Variants in SCNN1B observed in about 807,000 individuals in gnomAD.
SCNN1B encodes the protein sodium channel epithelial 1 subunit beta.
In SCNN1B, 46 loss-of-function variants were observed where a neutral mutation model predicts 65.3. The ratio of observed to expected loss-of-function variants is 0.70; its 90% CI spans 0.56 to 0.90. The LOEUF (loss-of-function observed/expected upper bound fraction) is 0.90. SCNN1B is among the 40% of genes least tolerant of loss of function. The probability of loss-of-function intolerance (pLI) is 0.00; values close to 1 mark genes in which losing one functional copy is unlikely to be tolerated. For missense variants in SCNN1B, 751 were observed against 830.5 expected, an observed-to-expected ratio of 0.90 and a Z score of 1.18; for synonymous variants, 349 against 330.6, an observed-to-expected ratio of 1.06 and a Z score of -0.60.
chr16:23,298,862 A>G (rs1961033760), upstream of SCNN1B, among the ~76,000 whole-genome samples: 1 of 152,026 alleles, frequency 6.6e-6, no homozygotes, highest in Admixed American at 6.6e-5. Flanking sequence ...CAAAACTCCA[A>G]CTCTCCAACA....
chr16:23,285,031 T>A (rs1276455106), intron 2 of SCNN1B, among the ~76,000 whole-genome samples: 5 of 152,136 alleles, frequency 3.3e-5, no homozygotes, highest in Non-Finnish European at 7.3e-5. Flanking sequence ...CATTTTTTAG[T>A]ATCAAAAAGA....
At chr16:23,360,213 TAAATAAATAAATAAAC>T (rs1596871833) in intron 4 of SCNN1B, among the ~76,000 whole-genome samples, 3 of 150,154 alleles carry the variant, frequency 2.0e-5, no homozygotes, top group Admixed American at 1.3e-4. Context: ...AATAAATAAA[TAAATAAATAAATAAAC>T]AAATAAATAA....
In SCNN1B at chr16:23,349,051, C is replaced by T. The variant is rs964147677; in HGVS notation, c.311+141C>T. The T allele has an allele frequency of 8.5e-6, 6 of 702,436 alleles. No individual in the cohort carries two copies. The African/African-American group carries it at 9.0e-5, about 11-fold the overall frequency. 43.5% of individuals were successfully genotyped at this position (702,436 alleles called of 1,614,324 possible). On this transcript the variant is annotated intron_variant, in intron 2 of 12. Coordinates refer to ENST00000343070, the MANE Select transcript of SCNN1B (RefSeq NM_000336.3). ...TCTTTATTTCTCCCCTTTCTTCCTT[C>T]CTTTCTCCCTTTATTACTTTTCCTT...
intron 1 of SCNN1B, among the ~76,000 whole-genome samples, chr16:23,341,657 A>G (rs1962057009): frequency 6.6e-6 from 1 of 152,224 alleles, no homozygotes; most frequent in African/African-American, 2.4e-5. Context: ...ATCTGAATAG[A>G]CATTTCTCCA....
chr16:23,306,566 T>G (rs1354321193), intron 1 of SCNN1B, among the ~76,000 whole-genome samples: 1 of 152,182 alleles, frequency 6.6e-6, no homozygotes, highest in Non-Finnish European at 1.5e-5. Flanking sequence ...AAGTAACTCT[T>G]TGAGCCCCTT....
At chr16:23,323,132 AG>A (rs907014900) in intron 1 of SCNN1B, among the ~76,000 whole-genome samples, 2 of 151,936 alleles carry the variant, frequency 1.3e-5, no homozygotes, top group African/African-American at 4.8e-5. Context: ...TGGGAGGCAG[AG>A]GTTGCAGTGA....
intron 2 of SCNN1B, among the ~76,000 whole-genome samples, chr16:23,290,697 A>T (rs1050263033): frequency 2.0e-5 from 3 of 150,178 alleles, no homozygotes; most frequent in Non-Finnish European, 4.4e-5. Context: ...AATTTTAATT[A>T]AAAAAAATTA....
intron 2 of SCNN1B, among the ~76,000 whole-genome samples, chr16:23,292,196 A>T (rs12922010): frequency 3.3e-4 from 44 of 133,256 alleles, no homozygotes; most frequent in African/African-American, 6.4e-4. Context: ...TTCTTTCTTT[A>T]TTTTTTTTTT....
At chr16:23,309,438 A>AGATAGATG (rs1377666455) in intron 1 of SCNN1B, among the ~76,000 whole-genome samples, 4 of 146,190 alleles carry the variant, frequency 2.7e-5, no homozygotes, top group Admixed American at 2.7e-4. Flanking sequence ...ATAGATAGAT[A>AGATAGATG]GACAGATAGA....
At chr16:23,377,100 C>T (rs1029012067) in intron 8 of SCNN1B, 65 bp from the exon 9 acceptor site, 333 of 1,426,588 alleles carry the variant, frequency 2.3e-4, no homozygotes, top group Middle Eastern at 1.3e-3. Flanking sequence ...AGAGGCTCAG[C>T]AGGGAACAGG....
At chr16:23,281,908 C>T (rs1960789258) in intron 1 of SCNN1B, among the ~76,000 whole-genome samples, 1 of 152,040 alleles carries the variant, frequency 6.6e-6, no homozygotes, top group Non-Finnish European at 1.5e-5. Context: ...GTAATACTTA[C>T]TGGCCGGGTG....
intron 2 of SCNN1B, among the ~76,000 whole-genome samples, chr16:23,286,970 ATGTTGTTGTTGTTGC>A (rs1397621881): frequency 1.3e-5 from 2 of 149,256 alleles, no homozygotes; most frequent in African/African-American, 2.5e-5. Flanking sequence ...GTTGTTGTTG[ATGTTGTTGTTGTTGC>A]TGTTGTTGTT....
intron 4 of SCNN1B, among the ~76,000 whole-genome samples, chr16:23,366,921 G>T (rs1420517030): frequency 6.6e-6 from 1 of 152,162 alleles, no homozygotes; most frequent in Non-Finnish European, 1.5e-5. Flanking sequence ...CATGCACTTC[G>T]ACTGAACAGA....
At chr16:23,367,834 C>A (rs768875368) in intron 4 of SCNN1B, 22 bp from the exon 5 acceptor site, 6 of 1,580,818 alleles carry the variant, frequency 3.8e-6, no homozygotes, top group Non-Finnish European at 4.3e-6. Flanking sequence ...ACCTGCCCTG[C>A]AGCTGATGCT....
chr16:23,340,526 T>C (rs888181859), intron 1 of SCNN1B, among the ~76,000 whole-genome samples: 1 of 151,414 alleles, frequency 6.6e-6, no homozygotes, highest in Non-Finnish European at 1.5e-5. Flanking sequence ...GCATTTGTTG[T>C]TGAAAAAAAT....
At position 23,380,824 on chromosome 16, in the gene SCNN1B, C is replaced by A. The variant is rs1063153; in HGVS notation, c.*23C>A. ...TAACCCTGCCCCTGCCCACCCCGGG[C>A]GGCTGAAACTCACTGAGCAGCCAAG... On this transcript the variant is annotated 3_prime_UTR_variant, in exon 13 of 13. Transcript: ENST00000343070. This position sits in a 1 kb window ranked among gnomAD's most constrained non-coding sequence, Gnocchi z 5.4. 6.8e-6 allele frequency: 11 copies of A among 1,611,330 alleles called. No homozygotes were observed. The highest frequency in any genetic ancestry group is 9.3e-6 in the Non-Finnish European group (11 of 1,179,750).
intron 1 of SCNN1B, among the ~76,000 whole-genome samples, chr16:23,326,483 G>C (rs1961699857): frequency 1.3e-5 from 2 of 151,598 alleles, no homozygotes; most frequent in South Asian, 4.2e-4. Flanking sequence ...TGTTTGTTTT[G>C]AGACAGAGTC....
chr16:23,355,578 C>A, intron 4 of SCNN1B, 89 bp downstream of exon 4: 1 of 1,328,598 alleles, frequency 7.5e-7, no homozygotes. Context: ...GCCAGGGTTC[C>A]AATCCTGCCC....
chr16:23,322,258 C>A (rs1342025530), intron 1 of SCNN1B, among the ~76,000 whole-genome samples: 6 of 152,088 alleles, frequency 3.9e-5, no homozygotes, highest in Non-Finnish European at 5.9e-5. Flanking sequence ...AACATACATA[C>A]AACACAAGCC....
Sources: allele counts gnomAD v4.1 joint callset (sites outside exome capture counted in the v4.1 genomes callset), GRCh38; gene constraint gnomAD v4.1.1; non-coding constraint Gnocchi (gnomAD v3.1); transcripts MANE v1.5; gene names NCBI Gene and HGNC (gene_info 2026-07-23, HGNC 2026-07-21).